The following ZMYM4 variants were observed in gnomAD, a reference collection of about 807,000 sequenced individuals.
ZMYM4 encodes zinc finger MYM-type containing 4.
Under a neutral mutation model 183.2 loss-of-function variants are expected in ZMYM4, and 31 were observed. The ratio of observed to expected loss-of-function variants is 0.17; its 90% CI spans 0.13 to 0.23. The LOEUF is 0.23. ZMYM4 is among the 10% of genes least tolerant of loss of function. The probability of loss-of-function intolerance (pLI) is 1.00; values close to 1 mark genes in which losing one functional copy is unlikely to be tolerated. For synonymous variants in ZMYM4, 592 were observed against 631.2 expected (o/e 0.94, Z 0.93); for missense variants, 1,273 against 1,840.3 (o/e 0.69, Z 5.64).
intron 23 of ZMYM4, among the ~76,000 whole-genome samples, chr1:35,402,842 C>G (rs188123361): frequency 7.5e-6 from 1 of 132,474 alleles, no homozygotes; most frequent in African/African-American, 3.4e-5. Context: ...ACTTTGTAAT[C>G]TGAATGCATT....
intron 9 of ZMYM4, among the ~76,000 whole-genome samples, 155 bp from the exon 10 acceptor site, chr1:35,385,287 G>A (rs768820624): frequency 6.6e-6 from 1 of 152,172 alleles, no homozygotes; most frequent in Non-Finnish European, 1.5e-5. Flanking sequence ...AGAAGTACAT[G>A]TGTACCATGA....
intron 3 of ZMYM4, among the ~76,000 whole-genome samples, chr1:35,360,879 G>T (rs1025793558): frequency 6.6e-6 from 1 of 151,774 alleles, no homozygotes; most frequent in Admixed American, 6.6e-5. Flanking sequence ...AGACAGAGGG[G>T]ACTTGGAATA....
Position 35,415,537 on chromosome 1 carries a change from G to A in ZMYM4, c.4132G>A (p.Val1378Ile), listed in dbSNP as rs148569097. 217 of 1,614,024 alleles carry A rather than the reference G, an allele frequency of 1.3e-4. No homozygotes were observed. In the African/African-American group the frequency reaches 2.5e-3, roughly 19 times the overall value. ...CKQLGAYSPI[V>I]LLNTLLFFNT... is the part of the protein sequence containing the mutation. ...ACAGCTGGGCGCTTACTCACCAATC[G>A]TCCTTTTAAACACCCTCCTTTTCTT... is the stretch of plus-strand genomic sequence containing the variant. The change falls in exon 28 of 30, where the codon GTC (valine) becomes ATC (isoleucine). Residue 1378 changes from valine (V) to isoleucine (I), a missense_variant. Val to Ile is a conservative substitution (Grantham distance 29, BLOSUM62 3). Around this residue, in one of 6 missense-constraint regions of ZMYM4, gnomAD observed 145 missense variants for 331.6 expected, o/e 0.44. Coordinates refer to ENST00000314607, the MANE Select transcript of ZMYM4 (RefSeq NM_005095.3).
At chr1:35,401,724 C>T (rs1198837688) in intron 23 of ZMYM4, among the ~76,000 whole-genome samples, 3 of 152,054 alleles carry the variant, frequency 2.0e-5, no homozygotes, top group African/African-American at 2.4e-5. Context: ...ACATTTTCTT[C>T]TAGAAGTTTT....
chr1:35,324,762 CAG>C (rs1394633840), intron 1 of ZMYM4, among the ~76,000 whole-genome samples: 1 of 152,160 alleles, frequency 6.6e-6, no homozygotes, highest in Admixed American at 6.5e-5. Context: ...TTCAGAGACT[CAG>C]AGTGAAGTGT....
chr1:35,280,079 ATT>A (rs60520045), intron 1 of ZMYM4, among the ~76,000 whole-genome samples: 35 of 150,356 alleles, frequency 2.3e-4, no homozygotes, highest in African/African-American at 8.6e-4. Context: ...CCACCTTTAC[ATT>A]TTTTTTTCTC....
At chr1:35,331,898 A>G (rs1451317416) in intron 2 of ZMYM4, among the ~76,000 whole-genome samples, 1 of 151,890 alleles carries the variant, frequency 6.6e-6, no homozygotes, top group African/African-American at 2.4e-5. Flanking sequence ...TGTGAATTTT[A>G]GTTTAGGTTG....
At position 35,399,551 on chromosome 1, in the gene ZMYM4, A is replaced by G; in HGVS notation, c.3503A>G (p.Asp1168Gly). The change falls in exon 23 of 30, where the codon GAT becomes GGT. Residue 1168 changes from aspartate (D) to glycine (G), a missense_variant. Asp to Gly is a moderately conservative substitution (Grantham distance 94). Around this residue, in one of 6 missense-constraint regions of ZMYM4, gnomAD observed 133 missense variants for 155.7 expected, o/e 0.85. Coordinates refer to ENST00000314607, the MANE Select transcript of ZMYM4 (RefSeq NM_005095.3). ...TCCCGAACAAGACGACGACACAGAG[A>G]TGGCTTCCCCCAACCCAGACGAAGA... The part of the protein sequence containing the change: ...ARSRTRRRHR[D>G]GFPQPRRRGR... 1 of 1,614,150 alleles carries G rather than the reference A, an allele frequency of 6.2e-7. No homozygotes were observed. Among genetic ancestry groups the G allele is most frequent in the Non-Finnish European group, 8.5e-7 (1 of 1,180,002 alleles).
rs1295636195 is a variant in ZMYM4 at position 35,419,631 on chromosome 1, T to C, written c.4601T>C (p.Leu1534Pro). 1.9e-6 allele frequency: 3 copies of C among 1,614,208 alleles called. No individual in the cohort carries two copies. The East Asian group carries it at 6.7e-5, about 36-fold the overall frequency. ...ATGGTGAGGGAGGTACATGAAGAACTTGCCAAAGCCAAATCTGAAGACTCT... is the reference window on the plus strand; with the variant it reads ...ATGGTGAGGGAGGTACATGAAGAACCTGCCAAAGCCAAATCTGAAGACTCT... ...ILMVREVHEE[L>P]AKAKSEDSDV... is the part of the protein sequence containing the mutation. The change falls in exon 30 of 30, where the codon CTT becomes CCT. Residue 1534 changes from leucine (L) to proline (P), a missense_variant. Physicochemically the swap from Leu to Pro is moderately conservative, Grantham distance 98. Around this residue, in one of 6 missense-constraint regions of ZMYM4, gnomAD observed 145 missense variants for 331.6 expected, o/e 0.44. Transcript: ENST00000314607.
At chr1:35,305,733 T>C (rs530743763) in intron 1 of ZMYM4, among the ~76,000 whole-genome samples, 2 of 151,950 alleles carry the variant, frequency 1.3e-5, no homozygotes, top group East Asian at 3.9e-4. Flanking sequence ...TTTGTGGAGA[T>C]GGGATTTTTC....
chr1:35,355,159 G>A (rs1188218510), intron 2 of ZMYM4, among the ~76,000 whole-genome samples: 8 of 149,552 alleles, frequency 5.3e-5, no homozygotes, highest in African/African-American at 1.7e-4. Context: ...TCAGCCTCCC[G>A]AGTAGCTGGG....
chr1:35,352,319 CA>C (rs1643651890), intron 2 of ZMYM4, among the ~76,000 whole-genome samples: 1 of 123,100 alleles, frequency 8.1e-6, no homozygotes, highest in Non-Finnish European at 1.7e-5. Flanking sequence ...AGCCAAAGTC[CA>C]AAAAACAAAA....
chr1:35,392,763 T>A, intron 17 of ZMYM4, 79 bp downstream of exon 17: 1 of 1,054,938 alleles, frequency 9.5e-7, no homozygotes, highest in Non-Finnish European at 1.4e-6. Flanking sequence ...TGTGAACTAA[T>A]TTGCCCTCCT....
intron 1 of ZMYM4, among the ~76,000 whole-genome samples, chr1:35,299,255 C>T (rs1641161587): frequency 6.6e-6 from 1 of 152,086 alleles, no homozygotes; most frequent in African/African-American, 2.4e-5. Flanking sequence ...TGCTCCTATA[C>T]CTTCTGGATT....
At chr1:35,373,417 G>A (rs1171999843) in intron 7 of ZMYM4, among the ~76,000 whole-genome samples, 3 of 142,864 alleles carry the variant, frequency 2.1e-5, no homozygotes, top group Admixed American at 7.4e-5. Context: ...CCGCTCTGTC[G>A]CCCAGGCTGG....
At chr1:35,351,476 T>C in intron 2 of ZMYM4, 1 of 1,562,994 alleles carries the variant, frequency 6.4e-7, no homozygotes, top group South Asian at 1.1e-5. Context: ...ATCCAGTCTA[T>C]GAAAAGAAGC....
intron 1 of ZMYM4, among the ~76,000 whole-genome samples, chr1:35,293,394 A>G (rs1285521225): frequency 6.6e-6 from 1 of 151,562 alleles, no homozygotes; most frequent in Non-Finnish European, 1.5e-5. Flanking sequence ...GCTCACTGCA[A>G]CCTGTGCCTC....
intron 18 of ZMYM4, among the ~76,000 whole-genome samples, chr1:35,394,558 A>G (rs1377808147): frequency 6.6e-6 from 1 of 152,148 alleles, no homozygotes; most frequent in East Asian, 1.9e-4. Context: ...TTTATTGGCC[A>G]CAGCTACCCA....
rs1643888086 is a variant in ZMYM4, at chr1:35,359,193, ACAG to A, written c.357_359del (p.Gln119del). The A allele has an allele frequency of 6.2e-7, 1 of 1,613,568 alleles. No individual in the cohort carries two copies. The highest frequency in any genetic ancestry group is 8.5e-7 in the Non-Finnish European group (1 of 1,179,640). On this transcript the variant is annotated inframe_deletion, in exon 3 of 30. Transcript: ENST00000314607. ...GCTTGGAAGTAGAGAGAAGAGTCAC[ACAG>A]CATGAATCAGACAATGAAAATGAAA...
Sources: allele counts gnomAD v4.1 joint callset (sites outside exome capture counted in the v4.1 genomes callset), GRCh38; gene constraint gnomAD v4.1.1; regional missense constraint gnomAD v4.1.1; transcripts MANE v1.5; gene names NCBI Gene and HGNC (gene_info 2026-07-23, HGNC 2026-07-21).